The following PIK3C2G variants were observed in gnomAD, a reference collection of about 807,000 sequenced individuals.
The protein encoded by PIK3C2G is phosphatidylinositol-4-phosphate 3-kinase catalytic subunit type 2 gamma, also known as phosphatidylinositol 3-kinase C2 domain-containing subunit gamma.
PIK3C2G carries 168 observed loss-of-function variants against 181.1 expected under a neutral mutation model. That is an observed-to-expected ratio of 0.93 (90% CI 0.82 to 1.05). The LOEUF (loss-of-function observed/expected upper bound fraction) is 1.05. Ranked by LOEUF, PIK3C2G falls within the 50% of genes least tolerant of loss-of-function variation. The pLI is 0.00. For synonymous variants in PIK3C2G, 573 were observed against 592.2 expected, an observed-to-expected ratio of 0.97 and a Z score of 0.47; for missense variants, 1,869 against 1,732.8, an observed-to-expected ratio of 1.08 and a Z score of -1.40.
At position 18,399,649 on chromosome 12, in the gene PIK3C2G, G is replaced by T; in HGVS notation, c.2127-10G>T. ...TCCAGTAAATTACAGTTTCCAATCT[G>T]GTTTTTCAGACTCTCTGAAGAAAAG... On this transcript the variant is annotated splice_polypyrimidine_tract_variant and intron_variant, in intron 15 of 32. Transcript: ENST00000538779. The T allele has an allele frequency of 6.6e-7, 1 of 1,521,872 alleles. No homozygotes were observed. The highest frequency in any genetic ancestry group is 1.3e-5 in the South Asian group (1 of 78,340). 94.3% of individuals were successfully genotyped at this position (1,521,872 alleles called of 1,614,324 possible).
chr12:18,297,113 T>C (rs1014883355), intron 5 of PIK3C2G, among the ~76,000 whole-genome samples: 4 of 152,034 alleles, frequency 2.6e-5, no homozygotes, highest in African/African-American at 9.7e-5. Flanking sequence ...AGCACAGATA[T>C]GAGATCCTAG....
chr12:18,494,612 G>C (rs185721637), intron 20 of PIK3C2G, among the ~76,000 whole-genome samples: 1 of 152,150 alleles, frequency 6.6e-6, no homozygotes, highest in Non-Finnish European at 1.5e-5. Flanking sequence ...GATAGGCTAA[G>C]CCTTGCCTTC....
rs115268271 is a variant in PIK3C2G at position 18,645,822 on chromosome 12, C to A, written c.4309-2054C>A. Among the ~76,000 whole-genome samples, 1,221 of 152,174 alleles carry A rather than the reference C, an allele frequency of 8.0e-3. 8 individuals carry two copies. Among genetic ancestry groups the A allele is most frequent in the African/African-American group, 0.028 (1,163 of 41,520 alleles). ...AAATTATTGATATGTTTTTTAAAAACTTACAATTTATGACTTATTCATGCA... is the reference window on the plus strand; with the variant it reads ...AAATTATTGATATGTTTTTTAAAAAATTACAATTTATGACTTATTCATGCA... On this transcript the variant is annotated intron_variant, in intron 32 of 32. Coordinates refer to ENST00000538779, the MANE Select transcript of PIK3C2G (RefSeq NM_001288772.2).
rs544251023 is a variant in PIK3C2G, at chr12:18,647,938, A to T, written c.4371A>T (p.Lys1457Asn). 9.4e-6 allele frequency: 15 copies of T among 1,601,202 alleles called. No individual in the cohort carries two copies. Among genetic ancestry groups the T allele is most frequent in the Non-Finnish European group, 1.3e-5 (15 of 1,171,990 alleles). Residue 1457 changes from lysine (K) to asparagine (N), a missense_variant, in exon 33 of 33, where the codon AAA becomes AAT. Physicochemically the swap from Lys to Asn is moderately conservative, Grantham distance 94 (BLOSUM62 0). Coordinates refer to ENST00000538779, the MANE Select transcript of PIK3C2G (RefSeq NM_001288772.2). ...TCTTAATGCTTATTGTGAAGAGTAA[A>T]ACTGTATTTGTGGGAGCAATTAACA... ...GHVLMLIVKSKTVFVGAINIR... is the reference protein window; with the variant it reads ...GHVLMLIVKSNTVFVGAINIR...
chr12:18,572,797 C>A (rs1306853925), intron 29 of PIK3C2G, among the ~76,000 whole-genome samples: 1 of 152,014 alleles, frequency 6.6e-6, no homozygotes, highest in Non-Finnish European at 1.5e-5. Flanking sequence ...TTTCTTCATG[C>A]CTCATTCTGA....
intron 24 of PIK3C2G, among the ~76,000 whole-genome samples, chr12:18,530,824 A>G (rs1016613048): frequency 6.6e-6 from 1 of 152,010 alleles, no homozygotes; most frequent in African/African-American, 2.4e-5. Context: ...ACCTTATGCC[A>G]TGATTGTAGT....
chr12:18,711,284 A>T, the PIK3C2G span, among the ~76,000 whole-genome samples: 2 of 149,734 alleles, frequency 1.3e-5, no homozygotes, highest in African/African-American at 2.5e-5. Flanking sequence ...TATCGCAAGG[A>T]CAAAAAACCA....
chr12:18,624,783 A>C (rs1026803160), intron 31 of PIK3C2G, among the ~76,000 whole-genome samples: 1 of 151,642 alleles, frequency 6.6e-6, no homozygotes, highest in Admixed American at 6.6e-5. Context: ...TATGTGTCTA[A>C]GAATTAACCC....
At chr12:18,566,269 A>C (rs1218526331) in intron 28 of PIK3C2G, among the ~76,000 whole-genome samples, 1 of 152,152 alleles carries the variant, frequency 6.6e-6, no homozygotes, top group Non-Finnish European at 1.5e-5. Context: ...AAGAAGCAGA[A>C]GTGTGGATGA....
intron 1 of PIK3C2G, among the ~76,000 whole-genome samples, chr12:18,270,862 G>A (rs563354150): frequency 6.6e-6 from 1 of 152,180 alleles, no homozygotes; most frequent in East Asian, 1.9e-4. Flanking sequence ...AACTACATCT[G>A]AATTGATTAA....
downstream of PIK3C2G, among the ~76,000 whole-genome samples, chr12:18,650,980 T>C (rs1375660365): frequency 6.6e-6 from 1 of 151,670 alleles, no homozygotes; most frequent in Non-Finnish European, 1.5e-5. Context: ...TGGGAATGGT[T>C]ATATCATTCT....
chr12:18,553,090 A>G (rs12318497), intron 26 of PIK3C2G, among the ~76,000 whole-genome samples: 19,591 of 152,018 alleles, frequency 0.13, 3,507 homozygotes, highest in African/African-American at 0.41. Context: ...ATCCCCATTG[A>G]TATTTCTGAC....
intron 11 of PIK3C2G, among the ~76,000 whole-genome samples, chr12:18,359,338 GT>G (rs1381175632): frequency 6.6e-6 from 1 of 152,162 alleles, no homozygotes; most frequent in African/African-American, 2.4e-5. Flanking sequence ...GTTGAGATTT[GT>G]TTTGTGACCT....
upstream of PIK3C2G, among the ~76,000 whole-genome samples, chr12:18,259,110 G>A (rs7304954): frequency 0.73 from 111,099 of 151,890 alleles, 40,858 homozygotes; most frequent in East Asian, 0.91. Flanking sequence ...CACTCTATTA[G>A]GCAACAGGGT....
At chr12:18,390,155 T>A (rs1466820812) in intron 14 of PIK3C2G, among the ~76,000 whole-genome samples, 1 of 152,202 alleles carries the variant, frequency 6.6e-6, no homozygotes, top group Non-Finnish European at 1.5e-5. Flanking sequence ...ACAAAACTTA[T>A]AACAAACGTT....
intron 12 of PIK3C2G, among the ~76,000 whole-genome samples, chr12:18,364,390 G>T (rs1437714898): frequency 6.6e-6 from 1 of 152,054 alleles, no homozygotes; most frequent in Non-Finnish European, 1.5e-5. Flanking sequence ...GGGCAAAATT[G>T]TTCATCTTTT....
upstream of PIK3C2G, among the ~76,000 whole-genome samples, chr12:18,245,424 A>G (rs1948029754): frequency 6.6e-6 from 1 of 152,050 alleles, no homozygotes; most frequent in Non-Finnish European, 1.5e-5. Context: ...ATTTCCTTTG[A>G]ATATTTTTAC....
chr12:18,719,436 A>G, the PIK3C2G span: 19 of 1,479,816 alleles, frequency 1.3e-5, no homozygotes, highest in Non-Finnish European at 1.4e-5. Flanking sequence ...AATACCTTAC[A>G]TATCCCCAAA....
the PIK3C2G span, among the ~76,000 whole-genome samples, chr12:18,678,443 T>C: frequency 2.0e-5 from 3 of 152,096 alleles, no homozygotes; most frequent in Admixed American, 6.6e-5. Flanking sequence ...TCAACCATCA[T>C]GATAATTGAG....
Sources: gnomAD v4.1 joint callset for allele counts (sites outside exome capture counted in the v4.1 genomes callset) on GRCh38, gnomAD v4.1.1 for gene constraint, MANE v1.5 for transcripts, NCBI Gene and HGNC (gene_info 2026-07-23, HGNC 2026-07-21) for gene names.